Variants in PRKG1 observed in about 807,000 individuals in gnomAD.
PRKG1 encodes the protein cGMP-dependent protein kinase 1.
Under a neutral mutation model 88.1 loss-of-function variants are expected in PRKG1, and 35 were observed. The observed-to-expected ratio is 0.40, with a 90% CI of 0.30 to 0.53. The LOEUF is 0.53. Among genes scored for constraint, PRKG1 ranks in the 20% least tolerant of loss-of-function variants. The probability of loss-of-function intolerance (pLI) is 0.59; values close to 1 mark genes in which losing one functional copy is unlikely to be tolerated. For missense variants in PRKG1, 540 were observed against 839.8 expected (o/e 0.64, Z 4.41); for synonymous variants, 303 against 292.5 (o/e 1.04, Z -0.37).
chr10:51,995,552 T>TTG (rs150174634), intron 5 of PRKG1, among the ~76,000 whole-genome samples: 404 of 150,326 alleles, frequency 2.7e-3, no homozygotes, highest in South Asian at 7.2e-3. Context: ...TTATGTTAAA[T>TTG]TGTGTGTGTG....
chr10:51,047,092 T>G (rs1003703319), intron 1 of PRKG1, among the ~76,000 whole-genome samples: 4 of 152,240 alleles, frequency 2.6e-5, no homozygotes, highest in African/African-American at 9.6e-5. Context: ...CACGTTTTTC[T>G]CACGTGCATT....
chr10:51,138,150 A>G (rs1251772976), intron 1 of PRKG1, among the ~76,000 whole-genome samples: 1 of 152,234 alleles, frequency 6.6e-6, no homozygotes, highest in African/African-American at 2.4e-5. Flanking sequence ...ATCTATGAAC[A>G]TAAGGAATAA....
chr10:51,428,488 CA>C (rs1283647975), intron 2 of PRKG1, among the ~76,000 whole-genome samples: 1 of 152,126 alleles, frequency 6.6e-6, no homozygotes, highest in Non-Finnish European at 1.5e-5. Flanking sequence ...AAATAAATTT[CA>C]AAAACCCTCC....
At chr10:51,945,393 T>A (rs893072667) in intron 5 of PRKG1, among the ~76,000 whole-genome samples, 7 of 151,390 alleles carry the variant, frequency 4.6e-5, no homozygotes, top group African/African-American at 1.5e-4. Context: ...CACTGATGGG[T>A]CTTGACTCTT....
At chr10:51,327,549 C>T (rs1176683964) in intron 2 of PRKG1, among the ~76,000 whole-genome samples, 2 of 151,820 alleles carry the variant, frequency 1.3e-5, no homozygotes, top group Non-Finnish European at 2.9e-5. Flanking sequence ...CACTTAAGGT[C>T]AGAGATATGT....
intron 2 of PRKG1, among the ~76,000 whole-genome samples, chr10:51,239,405 G>A (rs1185202193): frequency 6.6e-6 from 1 of 152,166 alleles, no homozygotes; most frequent in African/African-American, 2.4e-5. Context: ...GTTCAAACTG[G>A]GGCTTCCCAG....
intron 1 of PRKG1, among the ~76,000 whole-genome samples, chr10:51,049,465 T>C (rs1007760347): frequency 6.6e-6 from 1 of 152,234 alleles, no homozygotes; most frequent in African/African-American, 2.4e-5. Flanking sequence ...CCTCCATTTA[T>C]GTCACTCTTT....
chr10:52,080,527 T>C (rs1846744794), intron 7 of PRKG1, among the ~76,000 whole-genome samples: 1 of 152,168 alleles, frequency 6.6e-6, no homozygotes, highest in Non-Finnish European at 1.5e-5. Context: ...TAGGAGTCCA[T>C]GAAATGAAGG....
chr10:52,037,226 A>G (rs2133222271), intron 5 of PRKG1, among the ~76,000 whole-genome samples: 1 of 152,280 alleles, frequency 6.6e-6, no homozygotes, highest in Admixed American at 6.5e-5. Context: ...TGGCACATGT[A>G]GCAAGCTCCT....
chr10:51,299,682 C>T, intron 2 of PRKG1: 1 of 448,602 alleles, frequency 2.2e-6, no homozygotes, highest in Non-Finnish European at 4.5e-6. Flanking sequence ...ACCTATGTTA[C>T]AGGCTGACAG....
chr10:51,415,910 A>AGTGTGTGTGTGT lies in PRKG1; in HGVS notation c.479-51790_479-51779dup, dbSNP rs71459419. Among the ~76,000 whole-genome samples, 505 of 147,224 alleles carry AGTGTGTGTGTGT rather than the reference A, an allele frequency of 3.4e-3. 3 individuals carry two copies. The highest frequency in any genetic ancestry group is 9.9e-3 in the African/African-American group (394 of 39,928). Reference sequence around the variant, plus strand: ...CCTAAACTGGCATGCTAGAGCTTCCAGTGTGTGTGTGTGTGTGTGTGTGTG... The same window carrying AGTGTGTGTGTGT: ...CCTAAACTGGCATGCTAGAGCTTCCAGTGTGTGTGTGTGTGTGTGTGTGTGTGTGTGTGTGTG... On this transcript the variant is annotated intron_variant, in intron 2 of 17. Coordinates refer to ENST00000373980, the MANE Select transcript of PRKG1 (RefSeq NM_006258.4).
chr10:51,644,846 C>T (rs1412526772), intron 3 of PRKG1, among the ~76,000 whole-genome samples: 9 of 152,060 alleles, frequency 5.9e-5, no homozygotes, highest in Non-Finnish European at 8.8e-5. Context: ...AGTGCAGTGG[C>T]GTGATCTCAG....
At chr10:51,187,736 A>G (rs990719867) in intron 2 of PRKG1, among the ~76,000 whole-genome samples, 6 of 152,052 alleles carry the variant, frequency 3.9e-5, no homozygotes, top group African/African-American at 1.4e-4. Context: ...GTTTCTCAGA[A>G]CATAAGGCTA....
chr10:51,144,932 C>A (rs569676033), intron 1 of PRKG1, among the ~76,000 whole-genome samples: 1 of 152,142 alleles, frequency 6.6e-6, no homozygotes, highest in African/African-American at 2.4e-5. Flanking sequence ...TGTATTTCTG[C>A]CATTGAATAC....
intron 3 of PRKG1, among the ~76,000 whole-genome samples, chr10:51,753,913 T>A (rs1245331427): frequency 6.6e-6 from 1 of 152,168 alleles, no homozygotes; most frequent in Non-Finnish European, 1.5e-5. Context: ...TTTTAATACC[T>A]GAATTTTGCT....
At chr10:51,881,658 G>T (rs937026506) in intron 4 of PRKG1, among the ~76,000 whole-genome samples, 3 of 152,212 alleles carry the variant, frequency 2.0e-5, no homozygotes, top group Non-Finnish European at 2.9e-5. Context: ...GGGGGAAATA[G>T]ACACCATCTA....
intron 5 of PRKG1, among the ~76,000 whole-genome samples, chr10:51,933,263 C>CA (rs1842732758): frequency 6.6e-6 from 1 of 151,884 alleles, no homozygotes; most frequent in South Asian, 2.1e-4. Flanking sequence ...CTTTTTAAGC[C>CA]AAAAAATCCA....
At chr10:51,742,005 C>T (rs1206968259) in intron 3 of PRKG1, among the ~76,000 whole-genome samples, 1 of 152,162 alleles carries the variant, frequency 6.6e-6, no homozygotes, top group Non-Finnish European at 1.5e-5. Flanking sequence ...TTAGTAAACA[C>T]ATAGGTAGAA....
intron 1 of PRKG1, among the ~76,000 whole-genome samples, chr10:51,081,867 T>C (rs1844120317): frequency 6.6e-6 from 1 of 152,126 alleles, no homozygotes; most frequent in South Asian, 2.1e-4. Context: ...AGTGATCCTC[T>C]TGCCTCAGCC....
Sources: gnomAD v4.1 joint callset for allele counts (sites outside exome capture counted in the v4.1 genomes callset) on GRCh38, gnomAD v4.1.1 for gene constraint, MANE v1.5 for transcripts, NCBI Gene and HGNC (gene_info 2026-07-23, HGNC 2026-07-21) for gene names.